FARSB: variants seen among roughly 807,000 people sequenced by gnomAD.
FARSB encodes phenylalanine--tRNA ligase beta subunit.
In FARSB, 40 loss-of-function variants were observed where a neutral mutation model predicts 69.6. The ratio of observed to expected loss-of-function variants is 0.57; its 90% confidence interval spans 0.45 to 0.75. FARSB has a LOEUF of 0.75. Ranked by LOEUF, FARSB falls within the 30% of genes least tolerant of loss-of-function variation. The pLI is 0.00. For missense variants in FARSB, 632 were observed against 722.9 expected, an observed-to-expected ratio of 0.87 and a Z score of 1.44; for synonymous variants, 235 against 247.2, an observed-to-expected ratio of 0.95 and a Z score of 0.46.
Position 222,633,214 on chromosome 2 carries a change from G to A in FARSB, c.700C>T (p.Pro234Ser), listed in dbSNP as rs1691482581. ...YDSNGVVLSMPPIINGDHSRI... is the reference protein window; with the variant it reads ...YDSNGVVLSMSPIINGDHSRI... The stretch of plus-strand genomic sequence containing the variant: ...AATAACTCACCATTGATGATGGGAG[G>A]CATTGAAAGGACGACACCATTGCTA... Residue 234 changes from proline to serine, a missense_variant, in exon 7 of 17, where the codon CCT becomes TCT. Transcript: ENST00000281828. 6.8e-7 allele frequency: 1 copy of A among 1,479,744 alleles called. No individual in the cohort carries two copies. Among genetic ancestry groups the A allele is most frequent in the Non-Finnish European group, 9.4e-7 (1 of 1,058,304 alleles). The allele number at this position is 1,479,744 out of a possible 1,614,324, so 91.7% of individuals were successfully genotyped here. A position where few individuals can be genotyped will look rare whatever the true frequency, so the allele number is the denominator to read the frequency against.
chr2:222,633,385 T>C (rs1199811779), intron 6 of FARSB, 78 bp from the exon 7 acceptor site: 46 of 712,834 alleles, frequency 6.5e-5, no homozygotes, highest in Non-Finnish European at 1.2e-5. Flanking sequence ...TGACCTAATA[T>C]TAAAAAAGAA....
At position 222,623,682 on chromosome 2, in the gene FARSB, C is replaced by G. The variant is rs531236483; in HGVS notation, c.1219G>C (p.Ala407Pro). ...AAGGTAAGTGCTTCAGTGAAGCCAG[C>G]GGCTGCCATGTCATGTCGGAGAAGT... ...TELLRHDMAA[A>P]GFTEALTFAL... The change falls in exon 13 of 17, where the codon GCT becomes CCT. Residue 407 changes from alanine (A) to proline (P), a missense_variant. Ala to Pro is a conservative substitution (Grantham distance 27, BLOSUM62 -1). Coordinates refer to ENST00000281828, the MANE Select transcript of FARSB (RefSeq NM_005687.5). 1.2e-6 allele frequency: 2 copies of G among 1,610,320 alleles called. No homozygotes were observed. Among genetic ancestry groups the G allele is most frequent in the Admixed American group, 3.3e-5 (2 of 59,930 alleles).
At chr2:222,630,666 T>G (rs1559210391) in intron 8 of FARSB, among the ~76,000 whole-genome samples, 1 of 152,268 alleles carries the variant, frequency 6.6e-6, no homozygotes, top group African/African-American at 2.4e-5. Flanking sequence ...GTTAAATAAT[T>G]TTTCTATTTC....
intron 16 of FARSB, among the ~76,000 whole-genome samples, chr2:222,591,834 T>C (rs1249206190): frequency 6.6e-6 from 1 of 152,174 alleles, no homozygotes; most frequent in Non-Finnish European, 1.5e-5. Flanking sequence ...TGGTTACCAG[T>C]AATAACCTTA....
intron 13 of FARSB, among the ~76,000 whole-genome samples, chr2:222,623,442 C>T (rs1052844856): frequency 6.6e-6 from 1 of 151,922 alleles, no homozygotes; most frequent in African/African-American, 2.4e-5. Context: ...TTTTTCTAGG[C>T]CTTCATTTTC....
At chr2:222,614,648 C>T (rs1052494042) in intron 14 of FARSB, among the ~76,000 whole-genome samples, 4 of 152,100 alleles carry the variant, frequency 2.6e-5, no homozygotes, top group African/African-American at 9.7e-5. Context: ...AGTTCAAGAC[C>T]AGCACGGGCA....
Position 222,624,762 on chromosome 2 carries a change from C to CG in FARSB, c.913dup (p.Arg305ProfsTer8). ...TAGGTCAGCTCTCACCATCTCCTTT[C>CG]GGTAAGCTAATTCCTTAAATAGAAA... On this transcript the variant is annotated frameshift_variant, in exon 11 of 17. Transcript: ENST00000281828. LOFTEE classifies it high-confidence loss of function. The CG allele has an allele frequency of 1.2e-6, 2 of 1,600,384 alleles. No homozygotes were observed. The highest frequency in any genetic ancestry group is 1.7e-6 in the Non-Finnish European group (2 of 1,170,312).
chr2:222,645,853 A>G (rs1048503304), intron 2 of FARSB, among the ~76,000 whole-genome samples: 4 of 152,144 alleles, frequency 2.6e-5, no homozygotes, highest in Admixed American at 2.0e-4. Context: ...AACTGGACAA[A>G]ATACAGAATG....
At chr2:222,584,094 G>A (rs944388649) in intron 16 of FARSB, among the ~76,000 whole-genome samples, 1 of 152,034 alleles carries the variant, frequency 6.6e-6, no homozygotes. Flanking sequence ...AAACTTCAAT[G>A]TTCATCTGAT....
intron 15 of FARSB, among the ~76,000 whole-genome samples, chr2:222,602,591 A>G (rs1690591363): frequency 6.6e-6 from 1 of 151,394 alleles, no homozygotes; most frequent in South Asian, 2.1e-4. Context: ...TTTTTATACC[A>G]TATTATCCAG....
chr2:222,613,310 C>T (rs752879597), intron 15 of FARSB, among the ~76,000 whole-genome samples: 2 of 152,196 alleles, frequency 1.3e-5, no homozygotes, highest in Non-Finnish European at 2.9e-5. Context: ...AATCCCAGCA[C>T]TTTGGGAGGC....
chr2:222,634,483 T>C lies in FARSB; in HGVS notation c.514A>G (p.Thr172Ala), dbSNP rs1420429948. ...HDLDTLSGPF[T>A]YTAKRPSDIK... ...TCTGAAGGACGCTTTGCAGTATAAG[T>C]AAATGGGCCCGACAAAGTGTCCAAA... Residue 172 changes from threonine to alanine, a missense_variant, in exon 6 of 17, where the codon ACT becomes GCT. Physicochemically the swap from Thr to Ala is moderately conservative, Grantham distance 58. Transcript: ENST00000281828. 12 of 1,613,000 alleles carry C rather than the reference T, an allele frequency of 7.4e-6. No individual in the cohort carries two copies. The highest frequency in any genetic ancestry group is 1.0e-5 in the Non-Finnish European group (12 of 1,179,216).
At chr2:222,585,563 A>G (rs1335756148) in intron 16 of FARSB, among the ~76,000 whole-genome samples, 1 of 152,242 alleles carries the variant, frequency 6.6e-6, no homozygotes, top group African/African-American at 2.4e-5. Flanking sequence ...GATCGGTAAT[A>G]ACAAACTTCT....
intron 16 of FARSB, among the ~76,000 whole-genome samples, chr2:222,582,559 T>C (rs939563224): frequency 3.9e-5 from 6 of 152,216 alleles, no homozygotes; most frequent in Admixed American, 3.3e-4. Context: ...CTTTCAATAA[T>C]CATATTGTTG....
intron 16 of FARSB, among the ~76,000 whole-genome samples, chr2:222,598,327 A>G (rs1690474916): frequency 6.6e-6 from 1 of 152,216 alleles, no homozygotes; most frequent in Non-Finnish European, 1.5e-5. Context: ...ATAAATAAAT[A>G]TCTAAGGAAC....
chr2:222,624,996 G>A (rs571349487), intron 10 of FARSB, among the ~76,000 whole-genome samples: 5 of 152,290 alleles, frequency 3.3e-5, no homozygotes, highest in South Asian at 2.1e-4. Context: ...AGTTTGCACT[G>A]CCTGGAAATA....
chr2:222,583,729 G>A lies in FARSB; in HGVS notation c.1619-11707C>T, dbSNP rs114136318. ...TAGTTCCCATAATCCCCATGGGAGG[G>A]TCTGGGTGGGAGGTAATTGAGACAT... On this transcript the variant is annotated intron_variant, in intron 16 of 16. Transcript: ENST00000281828. Among the ~76,000 whole-genome samples, 1,206 of 152,204 alleles carry A rather than the reference G, an allele frequency of 7.9e-3. 15 individuals are homozygous for A. Among genetic ancestry groups the A allele is most frequent in the African/African-American group, 0.028 (1,159 of 41,522 alleles).
intron 3 of FARSB, among the ~76,000 whole-genome samples, chr2:222,641,728 G>A (rs1484918586): frequency 1.3e-5 from 2 of 152,152 alleles, no homozygotes; most frequent in Non-Finnish European, 2.9e-5. Flanking sequence ...ACTCTCAGGA[G>A]TTATCCTTGA....
chr2:222,614,893 A>G (rs1441039491), intron 14 of FARSB, among the ~76,000 whole-genome samples: 2 of 152,218 alleles, frequency 1.3e-5, no homozygotes, highest in African/African-American at 4.8e-5. Context: ...CAGAATTAGG[A>G]CCAGGAAAAA....
Sources: gnomAD v4.1 joint callset for allele counts (sites outside exome capture counted in the v4.1 genomes callset) on GRCh38, gnomAD v4.1.1 for gene constraint, MANE v1.5 for transcripts, NCBI Gene and HGNC (gene_info 2026-07-23, HGNC 2026-07-21) for gene names.